The following PAQR7 variants were observed in gnomAD, a reference collection of about 807,000 sequenced individuals.
PAQR7 encodes progestin and adipoQ receptor family member 7.
In PAQR7, 14 loss-of-function variants were observed where a neutral mutation model predicts 24.6. That is an observed-to-expected ratio of 0.57 (90% CI 0.38 to 0.89). The LOEUF (loss-of-function observed/expected upper bound fraction) is 0.89. PAQR7 is among the 40% of genes least tolerant of loss of function. PAQR7 has a pLI of 0.00. For missense variants in PAQR7, 351 were observed against 444.0 expected (o/e 0.79, Z 1.88); for synonymous variants, 189 against 198.8 (o/e 0.95, Z 0.42).
In PAQR7 at chr1:25,874,033, A is replaced by G. The variant is rs551824277; in HGVS notation, c.-109+1455T>C. ...TGAGTAACTGGGATTACAGGCATGC[A>G]CCACCACACCCGGCTAATTTTGTAT... On this transcript the variant is annotated intron_variant, in intron 1 of 2. Transcript: ENST00000675840. Among the ~76,000 whole-genome samples the G allele has an allele frequency of 7.2e-5, 11 of 152,080 alleles. No individual in the cohort carries two copies. In the East Asian group the frequency reaches 1.9e-3, roughly 27 times the overall value.
intron 2 of PAQR7, among the ~76,000 whole-genome samples, chr1:25,867,447 C>A (rs139929591): frequency 8.5e-5 from 13 of 152,312 alleles, no homozygotes; most frequent in Non-Finnish European, 5.9e-5. Context: ...TACCGTCATT[C>A]ATTGTGTTAT....
rs2048643495 is a variant in PAQR7 at position 25,875,470 on chromosome 1, G to A, written c.-109+18C>T. Among the ~76,000 whole-genome samples the A allele has an allele frequency of 6.6e-6, 1 of 152,216 alleles. No homozygotes were observed. The highest frequency in any genetic ancestry group is 2.1e-4 in the South Asian group (1 of 4,814). On this transcript the variant is annotated intron_variant, in intron 1 of 2. Coordinates refer to ENST00000675840, the MANE Select transcript of PAQR7 (RefSeq NM_178422.6). The surrounding 1 kb of genome is among the most constrained non-coding windows in gnomAD (Gnocchi z 5.4). ...CGTCTGCGGCCAGCCAGGCCTCCCC[G>A]TCTTGGCAGCCCCGTACCTGAGCCG...
chr1:25,866,474 T>G (rs1455641892), intron 2 of PAQR7, among the ~76,000 whole-genome samples: 1 of 152,028 alleles, frequency 6.6e-6, no homozygotes, highest in African/African-American at 2.4e-5. Context: ...AAGAACAGAG[T>G]GAAAGATTTG....
chr1:25,868,631 G>C (rs968925296), intron 2 of PAQR7, among the ~76,000 whole-genome samples: 2 of 145,938 alleles, frequency 1.4e-5, no homozygotes, highest in Non-Finnish European at 3.0e-5. Flanking sequence ...GATCCCTTGA[G>C]CCTCAGAGGC....
rs1312016571 is a variant in PAQR7, at chr1:25,875,055, C to A, written c.-109+433G>T. Among the ~76,000 whole-genome samples the A allele has an allele frequency of 6.6e-6, 1 of 152,232 alleles. No homozygotes were observed. Among genetic ancestry groups the A allele is most frequent in the Non-Finnish European group, 1.5e-5 (1 of 68,036 alleles). On this transcript the variant is annotated intron_variant, in intron 1 of 2. Transcript: ENST00000675840. The surrounding 1 kb of genome is among the most constrained non-coding windows in gnomAD (Gnocchi z 5.4). The stretch of plus-strand genomic sequence containing the variant: ...AGCAGTGAGCTCCCTGACTGTCCTG[C>A]TCCAGGAAGGCAGCGGCCTTGCCCG...
At chr1:25,865,100 G>A (rs1448057070) in intron 2 of PAQR7, among the ~76,000 whole-genome samples, 2 of 150,596 alleles carry the variant, frequency 1.3e-5, no homozygotes, top group Non-Finnish European at 1.5e-5. Context: ...AGCCTGCAGT[G>A]CGCGCCACTG....
Position 25,862,942 on chromosome 1 carries a change from G to A in PAQR7, c.898C>T (p.Arg300Ter), listed in dbSNP as rs982812443. 6.8e-5 allele frequency: 109 copies of A among 1,614,022 alleles called. No homozygotes were observed. The highest frequency in any genetic ancestry group is 1.6e-4 in the Middle Eastern group (1 of 6,084). Residue 300 changes from arginine to a stop codon, truncating the protein, a stop_gained, in exon 3 of 3, where the codon CGA (arginine) becomes TGA (stop). Coordinates refer to ENST00000675840, the MANE Select transcript of PAQR7 (RefSeq NM_178422.6). LOFTEE classifies it high-confidence loss of function. ...LEAVALDYEA[R>*]RPIYEPLHTH... ...TGCAGAGGCTCATAGATGGGCCGTCGGGCCTCATAGTCCAGTGCCACAGCC... is the reference window on the plus strand; with the variant it reads ...TGCAGAGGCTCATAGATGGGCCGTCAGGCCTCATAGTCCAGTGCCACAGCC...
intron 2 of PAQR7, among the ~76,000 whole-genome samples, chr1:25,864,705 G>T (rs2048542145): frequency 6.6e-6 from 1 of 152,038 alleles, no homozygotes; most frequent in African/African-American, 2.4e-5. Context: ...AAAAAAGTTA[G>T]CCAGGTGTGG....
chr1:25,865,395 C>A (rs1031202342), intron 2 of PAQR7, among the ~76,000 whole-genome samples: 2 of 152,186 alleles, frequency 1.3e-5, no homozygotes, highest in Non-Finnish European at 2.9e-5. Flanking sequence ...AACAACATGA[C>A]CGGGCGCAGT....
chr1:25,872,986 C>T (rs2048617235), intron 1 of PAQR7, among the ~76,000 whole-genome samples: 1 of 152,160 alleles, frequency 6.6e-6, no homozygotes, highest in Non-Finnish European at 1.5e-5. Context: ...CTCTTAAAGA[C>T]AACTTTTTCT....
Position 25,862,141 on chromosome 1 carries a change from G to C in PAQR7, c.*658C>G, listed in dbSNP as rs2048516321. On this transcript the variant is annotated 3_prime_UTR_variant, in exon 3 of 3. Transcript: ENST00000675840. ...GAATGGATAAATGAATCCGTAACAA[G>C]GGAACCAGGAGAGAAGCTGGGAACA... 6.6e-6 allele frequency: 1 copy of C among 151,668 alleles called. No homozygotes were observed. The highest frequency in any genetic ancestry group is 1.5e-5 in the Non-Finnish European group (1 of 68,230). The allele number at this position is 151,668 out of a possible 1,614,324, so 9.4% of individuals were successfully genotyped here.
chr1:25,871,136 C>G (rs377534442), intron 1 of PAQR7: 1 of 152,318 alleles, frequency 6.6e-6, no homozygotes, highest in East Asian at 1.9e-4. Flanking sequence ...TTTACCTTAT[C>G]CCTAGGGGTG....
chr1:25,874,853 C>A (rs1183876600), intron 1 of PAQR7, among the ~76,000 whole-genome samples: 1 of 152,174 alleles, frequency 6.6e-6, no homozygotes, highest in Non-Finnish European at 1.5e-5. Flanking sequence ...AGGGGAGGCT[C>A]CCTCATCCCC....
Position 25,863,844 on chromosome 1 carries a change from G to A in PAQR7, c.-5C>T, listed in dbSNP as rs752015275. 4 of 1,607,642 alleles carry A rather than the reference G, an allele frequency of 2.5e-6. No individual in the cohort carries two copies. Among genetic ancestry groups the A allele is most frequent in the African/African-American group, 1.3e-5 (1 of 74,678 alleles). ...GAGTTTCTGGGCCATGGCCATGGCT[G>A]TGGGCCTGGGCAGGGAGCTGGGAGA... On this transcript the variant is annotated 5_prime_UTR_variant, in exon 3 of 3. Coordinates refer to ENST00000675840, the MANE Select transcript of PAQR7 (RefSeq NM_178422.6). The surrounding 1 kb of genome is among the most constrained non-coding windows in gnomAD (Gnocchi z 6.1).
Position 25,875,461 on chromosome 1 carries a change from G to A in PAQR7, c.-109+27C>T, listed in dbSNP as rs2048643406. 6.6e-6 allele frequency among the ~76,000 whole-genome samples: 1 copy of A among 152,104 alleles called. No homozygotes were observed. The highest frequency in any genetic ancestry group is 1.5e-5 in the Non-Finnish European group (1 of 67,998). ...GAGCACCCTCGTCTGCGGCCAGCCA[G>A]GCCTCCCCGTCTTGGCAGCCCCGTA... On this transcript the variant is annotated intron_variant, in intron 1 of 2. Transcript: ENST00000675840. This position sits in a 1 kb window ranked among gnomAD's most constrained non-coding sequence, Gnocchi z 5.4.
chr1:25,864,515 A>G (rs2048540946), intron 2 of PAQR7, among the ~76,000 whole-genome samples: 1 of 152,158 alleles, frequency 6.6e-6, no homozygotes, highest in South Asian at 2.1e-4. Flanking sequence ...TCTGCCTGAG[A>G]CATTTTCCTC....
chr1:25,874,360 TAAAG>T (rs2048630241), intron 1 of PAQR7, among the ~76,000 whole-genome samples: 2 of 152,194 alleles, frequency 1.3e-5, no homozygotes, highest in African/African-American at 2.4e-5. Flanking sequence ...AAGCAATTCT[TAAAG>T]AAAGTATTCT....
rs1557462257 is a variant in PAQR7, at chr1:25,863,180, AG to A, written c.659del (p.Pro220LeufsTer114). ...SVLAYALDIS[P>X]VVHRIFVSSD... ...AGGACACGAAGATACGATGCACCAC[AG>A]GACTAATGTCCAGTGCGTAGGCCAG... On this transcript the variant is annotated frameshift_variant, in exon 3 of 3. Transcript: ENST00000675840. LOFTEE classifies it high-confidence loss of function. This position sits in a 1 kb window ranked among gnomAD's most constrained non-coding sequence, Gnocchi z 6.1. The A allele has an allele frequency of 6.2e-7, 1 of 1,614,260 alleles. No individual in the cohort carries two copies. Among genetic ancestry groups the A allele is most frequent in the East Asian group, 2.2e-5 (1 of 44,890 alleles).
chr1:25,865,353 A>G (rs2048548321), intron 2 of PAQR7, among the ~76,000 whole-genome samples: 1 of 152,136 alleles, frequency 6.6e-6, no homozygotes, highest in Non-Finnish European at 1.5e-5. Context: ...TGCTTAGCAA[A>G]TAGCTGGCAC....
Sources: allele counts gnomAD v4.1 joint callset (sites outside exome capture counted in the v4.1 genomes callset), GRCh38; gene constraint gnomAD v4.1.1; non-coding constraint Gnocchi (gnomAD v3.1); transcripts MANE v1.5; gene names NCBI Gene and HGNC (gene_info 2026-07-23, HGNC 2026-07-21).